Variants in FGF14 observed in about 807,000 individuals in gnomAD.
The protein encoded by FGF14 is fibroblast growth factor 14, also known as fibroblast growth factor homologous factor 4.
A neutral mutation model predicts 25.5 loss-of-function variants in FGF14; 5 were observed. The observed-to-expected ratio is 0.20, with a 90% CI of 0.10 to 0.41. The LOEUF is 0.41. FGF14 is among the 10% of genes least tolerant of loss of function. The probability of loss-of-function intolerance (pLI) is 1.00; values close to 1 mark genes in which losing one functional copy is unlikely to be tolerated. For missense variants in FGF14, 222 were observed against 320.1 expected, an observed-to-expected ratio of 0.69 and a Z score of 2.34; for synonymous variants, 138 against 118.3, an observed-to-expected ratio of 1.17 and a Z score of -1.08.
chr13:102,091,446 C>A (rs900912865), intron 1 of FGF14, among the ~76,000 whole-genome samples: 2 of 133,848 alleles, frequency 1.5e-5, no homozygotes, highest in Non-Finnish European at 3.5e-5. Context: ...CATCACTCTA[C>A]GATGCTTCAG....
chr13:102,161,641 AAGAAGAAGAAGAAGAAGAAG>A (rs2047724939), intron 1 of FGF14, among the ~76,000 whole-genome samples: 1 of 14,692 alleles, frequency 6.8e-5, no homozygotes, highest in African/African-American at 2.8e-4. Context: ...GAAGAAGAAG[AAGAAGAAGAAGAAGAAGAAG>A]AAGAAGAAGA....
At chr13:102,161,582 A>AGAGGAAGAAGAAGAG (rs2047663234) in intron 1 of FGF14, among the ~76,000 whole-genome samples, 1 of 3,070 alleles carries the variant, frequency 3.3e-4, no homozygotes, top group Non-Finnish European at 4.8e-4. Flanking sequence ...AGAAAGAAGA[A>AGAGGAAGAAGAAGAG]GAAGAAGAAG....
At chr13:102,068,292 TGA>T (rs2042987197) in intron 1 of FGF14, among the ~76,000 whole-genome samples, 1 of 152,140 alleles carries the variant, frequency 6.6e-6, no homozygotes, top group African/African-American at 2.4e-5. Context: ...GGCACGATGG[TGA>T]GAGGTGACAG....
intron 1 of FGF14, among the ~76,000 whole-genome samples, chr13:102,186,159 A>G (rs982432293): frequency 6.6e-6 from 1 of 152,166 alleles, no homozygotes; most frequent in African/African-American, 2.4e-5. Context: ...TTTACAAAAC[A>G]GAAAGCAGCT....
chr13:102,338,941 G>A (rs1182448622), intron 1 of FGF14, among the ~76,000 whole-genome samples: 1 of 151,256 alleles, frequency 6.6e-6, no homozygotes, highest in African/African-American at 2.4e-5. Flanking sequence ...AACCCGGGAG[G>A]TGGAGGCTGC....
intron 1 of FGF14, among the ~76,000 whole-genome samples, chr13:102,018,725 T>G (rs2040479350): frequency 6.6e-6 from 1 of 152,104 alleles, no homozygotes; most frequent in African/African-American, 2.4e-5. Context: ...CCAGCTCCTC[T>G]AGCTCAGAAA....
chr13:101,892,996 C>A (rs1173054198), intron 1 of FGF14, among the ~76,000 whole-genome samples: 1 of 152,118 alleles, frequency 6.6e-6, no homozygotes, highest in African/African-American at 2.4e-5. Flanking sequence ...GACAGGTGAA[C>A]TATCACTCTG....
chr13:101,966,716 CATG>C (rs1396617335), intron 1 of FGF14, among the ~76,000 whole-genome samples: 9 of 152,126 alleles, frequency 5.9e-5, no homozygotes, highest in African/African-American at 2.2e-4. Context: ...CCCCTGACCT[CATG>C]ATCCACCCAC....
rs1323045882 is a variant in FGF14 at position 101,713,904 on chromosome 13, C to G, written c.*8927G>C. 1.3e-5 allele frequency: 2 copies of G among 152,754 alleles called. No homozygotes were observed. Among genetic ancestry groups the G allele is most frequent in the Admixed American group, 1.3e-4 (2 of 15,368 alleles). The allele number at this position is 152,754 out of a possible 1,614,324, so 9.5% of individuals were successfully genotyped here. ...CTCACAAGGCAAATATACTGAGTGACTGTATGCATTTTTAGCACTTTAATT... is the reference window on the plus strand; with the variant it reads ...CTCACAAGGCAAATATACTGAGTGAGTGTATGCATTTTTAGCACTTTAATT... On this transcript the variant is annotated 3_prime_UTR_variant, in exon 5 of 5. Coordinates refer to ENST00000376143, the MANE Select transcript of FGF14 (RefSeq NM_004115.4).
intron 1 of FGF14, among the ~76,000 whole-genome samples, chr13:102,268,493 C>T (rs2053099286): frequency 1.3e-5 from 2 of 151,776 alleles, no homozygotes. Context: ...ACATTATATA[C>T]ATATATAATG....
chr13:101,952,392 TTC>T (rs2036224343), intron 1 of FGF14, among the ~76,000 whole-genome samples: 1 of 149,556 alleles, frequency 6.7e-6, no homozygotes, highest in African/African-American at 2.5e-5. Flanking sequence ...TCATAACTGC[TTC>T]TTTGTCCGTT....
chr13:102,165,299 G>T (rs545894611), intron 1 of FGF14, among the ~76,000 whole-genome samples: 1 of 152,068 alleles, frequency 6.6e-6, no homozygotes, highest in South Asian at 2.1e-4. Context: ...ATTTGACCCA[G>T]CCATCCCATT....
At chr13:102,157,266 C>T (rs150627350) in intron 1 of FGF14, among the ~76,000 whole-genome samples, 44 of 152,062 alleles carry the variant, frequency 2.9e-4, no homozygotes, top group African/African-American at 6.3e-4. Context: ...TATACTACAA[C>T]GCTACAGTAA....
intron 3 of FGF14, among the ~76,000 whole-genome samples, chr13:101,856,721 C>G (rs932764745): frequency 6.6e-6 from 1 of 151,948 alleles, no homozygotes; most frequent in Non-Finnish European, 1.5e-5. Context: ...TTTCTTATAA[C>G]ACAATAACTA....
At chr13:101,968,223 T>C (rs1176927920) in intron 1 of FGF14, among the ~76,000 whole-genome samples, 1 of 152,186 alleles carries the variant, frequency 6.6e-6, no homozygotes, top group Non-Finnish European at 1.5e-5. Flanking sequence ...AAGGTGAAAT[T>C]GTTATGTAAT....
At chr13:102,085,571 T>C (rs991329436) in intron 1 of FGF14, among the ~76,000 whole-genome samples, 5 of 152,206 alleles carry the variant, frequency 3.3e-5, no homozygotes, top group African/African-American at 4.8e-5. Flanking sequence ...ATGGAAGACA[T>C]AGGCCATTTC....
At chr13:101,994,301 A>C (rs564501573) in intron 1 of FGF14, among the ~76,000 whole-genome samples, 37 of 152,172 alleles carry the variant, frequency 2.4e-4, no homozygotes, top group African/African-American at 8.7e-4. Context: ...AAAAATAAAT[A>C]AATAGATTAA....
At chr13:102,195,016 T>A (rs1056153828) in intron 1 of FGF14, among the ~76,000 whole-genome samples, 1 of 152,076 alleles carries the variant, frequency 6.6e-6, no homozygotes, top group Non-Finnish European at 1.5e-5. Context: ...TTTTCAGAAC[T>A]ATTCTTCAAA....
intron 3 of FGF14, among the ~76,000 whole-genome samples, chr13:101,855,575 T>C (rs1242671586): frequency 6.6e-6 from 1 of 151,982 alleles, no homozygotes; most frequent in Non-Finnish European, 1.5e-5. Flanking sequence ...CTATGTGCCA[T>C]ATTCAACAGT....
Sources: allele counts gnomAD v4.1 joint callset (sites outside exome capture counted in the v4.1 genomes callset), GRCh38; gene constraint gnomAD v4.1.1; transcripts MANE v1.5; gene names NCBI Gene and HGNC (gene_info 2026-07-23, HGNC 2026-07-21).